Variants in COPG1 observed in about 807,000 individuals in gnomAD.
COPG1 encodes coat protein complex I subunit gamma 1.
In COPG1, 29 loss-of-function variants were observed where a neutral mutation model predicts 102.8. The ratio of observed to expected loss-of-function variants is 0.28; its 90% confidence interval spans 0.21 to 0.38. COPG1 has a LOEUF of 0.38. Among genes scored for constraint, COPG1 ranks in the 10% least tolerant of loss-of-function variants. The pLI is 1.00. For synonymous variants in COPG1, 406 were observed against 421.6 expected, an observed-to-expected ratio of 0.96 and a Z score of 0.45; for missense variants, 875 against 1,132.7, an observed-to-expected ratio of 0.77 and a Z score of 3.27.
chr3:129,276,640 G>A (rs766507441), intron 23 of COPG1, among the ~76,000 whole-genome samples: 2 of 152,130 alleles, frequency 1.3e-5, no homozygotes, highest in Non-Finnish European at 2.9e-5. Context: ...TTTTCTCGTG[G>A]TGGGGCTGTC....
rs570797375 is a variant in COPG1, at chr3:129,250,993, G to A, written c.90+259G>A. On this transcript the variant is annotated intron_variant, in intron 2 of 23. Transcript: ENST00000314797. ...GGCTGGAGTGCAGTGGCGTGATCTC[G>A]GCTCACTGCAAGCTCCGCCTTCCAG... 3.0e-3 allele frequency: 1,066 copies of A among 350,352 alleles called. 5 individuals carry two copies. The highest frequency in any genetic ancestry group is 4.7e-3 in the Non-Finnish European group (878 of 187,840). 21.7% of individuals were successfully genotyped at this position (350,352 alleles called of 1,614,324 possible).
Position 129,250,813 on chromosome 3 carries a change from G to A in COPG1, c.90+79G>A, listed in dbSNP as rs538081107. 58 of 1,264,594 alleles carry A rather than the reference G, an allele frequency of 4.6e-5. No homozygotes were observed. The East Asian group carries it at 1.4e-3, about 31-fold the overall frequency. 78.3% of individuals were successfully genotyped at this position (1,264,594 alleles called of 1,614,324 possible). ...CAACTGAAATACCAACACATTCAAA[G>A]TGTTGTTTTAAAGAGCAACACGGGA... On this transcript the variant is annotated intron_variant, in intron 2 of 23. Transcript: ENST00000314797.
chr3:129,260,609 C>T lies in COPG1; in HGVS notation c.940-10C>T, dbSNP rs748097243. The T allele has an allele frequency of 6.2e-7, 1 of 1,613,636 alleles. No individual in the cohort carries two copies. The highest frequency in any genetic ancestry group is 1.3e-5 in the African/African-American group (1 of 75,038). The stretch of plus-strand genomic sequence containing the variant: ...TTCCTGCCCTCTCTGTCACTGTCCT[C>T]CCAAAACAGGTTGCCATGAAGCATC... On this transcript the variant is annotated splice_polypyrimidine_tract_variant and intron_variant, in intron 11 of 23. Coordinates refer to ENST00000314797, the MANE Select transcript of COPG1 (RefSeq NM_016128.4).
At chr3:129,254,945 C>G (rs2107673373) in intron 6 of COPG1, 40 bp from the exon 7 acceptor site, 1 of 1,537,740 alleles carries the variant, frequency 6.5e-7, no homozygotes, top group Non-Finnish European at 9.0e-7. Context: ...CTGCCAAGGA[C>G]TGACTGGATC....
At chr3:129,273,682 C>T (rs1005290685) in intron 21 of COPG1, among the ~76,000 whole-genome samples, 4 of 152,114 alleles carry the variant, frequency 2.6e-5, no homozygotes, top group African/African-American at 9.7e-5. Context: ...ATTAAATATC[C>T]CTTTAGATAC....
At chr3:129,277,253 C>T (rs752721382) in intron 23 of COPG1, 41 bp from the exon 24 acceptor site, 3 of 1,610,336 alleles carry the variant, frequency 1.9e-6, no homozygotes, top group Non-Finnish European at 2.5e-6. Flanking sequence ...CTGTACAGTC[C>T]CTTCTGCTGT....
At position 129,272,331 on chromosome 3, in the gene COPG1, T is replaced by TAA; in HGVS notation, c.2075_2076insAA (p.Tyr692Ter). 6.2e-7 allele frequency: 1 copy of TAA among 1,614,118 alleles called. No individual in the cohort carries two copies. Among genetic ancestry groups the TAA allele is most frequent in the Non-Finnish European group, 8.5e-7 (1 of 1,179,970 alleles). ...EPTEAYEVLC[Y>*]VPARSLPYNQ... ...CACTGAGGCCTATGAGGTGCTCTGTTACGTGCCTGCCCGGAGCCTGCCCTA... is the reference window on the plus strand; with the variant it reads ...CACTGAGGCCTATGAGGTGCTCTGTTAAACGTGCCTGCCCGGAGCCTGCCCTA... Residue 692 changes from tyrosine (Y) to a stop codon, truncating the protein, a stop_gained and frameshift_variant, in exon 20 of 24, where the codon TAC becomes TAAAC. Transcript: ENST00000314797. LOFTEE classifies it high-confidence loss of function.
At position 129,260,741 on chromosome 3, in the gene COPG1, G is replaced by A; in HGVS notation, c.1062G>A (p.Glu354=). The A allele has an allele frequency of 6.2e-7, 1 of 1,613,246 alleles. No individual in the cohort carries two copies. Among genetic ancestry groups the A allele is most frequent in the Non-Finnish European group, 8.5e-7 (1 of 1,180,018 alleles). The change falls in exon 12 of 24, where the codon GAG becomes GAA. Residue 354 remains glutamate, a synonymous_variant. Coordinates refer to ENST00000314797, the MANE Select transcript of COPG1 (RefSeq NM_016128.4). ...AITTLLKTGS[E]SSIDRLMKQI... Reference sequence around the variant, plus strand: ...CCACCCTCCTTAAGACGGGCAGCGAGAGCAGCATCGACCGCCTCATGAAGC... The same window carrying A: ...CCACCCTCCTTAAGACGGGCAGCGAAAGCAGCATCGACCGCCTCATGAAGC...
At position 129,274,819 on chromosome 3, in the gene COPG1, TC is replaced by T. The variant is rs774239928; in HGVS notation, c.2257-18del. On this transcript the variant is annotated intron_variant, in intron 21 of 23. Coordinates refer to ENST00000314797, the MANE Select transcript of COPG1 (RefSeq NM_016128.4). ...TAGGTGTGTAGATGGGTGCCTGATT[TC>T]TACCTCCATCTCTCCAGCTGGAAGA... 77 of 1,607,052 alleles carry T rather than the reference TC, an allele frequency of 4.8e-5. No homozygotes were observed. Among genetic ancestry groups the T allele is most frequent in the Admixed American group, 1.3e-4 (8 of 59,554 alleles).
At chr3:129,268,645 G>T in intron 17 of COPG1, 25 bp downstream of exon 17, 1 of 1,611,370 alleles carries the variant, frequency 6.2e-7, no homozygotes, top group Middle Eastern at 1.7e-4. Context: ...CCTCCCAGAG[G>T]CCATCAAGGC....
intron 1 of COPG1, among the ~76,000 whole-genome samples, 200 bp from the exon 2 acceptor site, chr3:129,250,482 G>A (rs1939671478): frequency 6.6e-6 from 1 of 152,204 alleles, no homozygotes; most frequent in Admixed American, 6.5e-5. Context: ...GATTGTGAGT[G>A]GTTTGGGGTA....
chr3:129,277,113 C>T (rs373015442), intron 23 of COPG1, among the ~76,000 whole-genome samples, 181 bp from the exon 24 acceptor site: 5 of 151,908 alleles, frequency 3.3e-5, no homozygotes, highest in South Asian at 2.1e-4. Context: ...TGAGCCACCG[C>T]GCCTGGCTGA....
chr3:129,258,147 C>T (rs1356873118), intron 10 of COPG1, among the ~76,000 whole-genome samples: 3 of 152,184 alleles, frequency 2.0e-5, no homozygotes, highest in African/African-American at 7.2e-5. Context: ...GTGGAGGAAC[C>T]CAGGATCTGT....
intron 21 of COPG1, chr3:129,273,981 G>A (rs1940224207): frequency 2.2e-6 from 1 of 455,270 alleles, no homozygotes; most frequent in African/African-American, 2.0e-5. Flanking sequence ...CTCAGCCTGT[G>A]GATGGGGACT....
intron 23 of COPG1, among the ~76,000 whole-genome samples, chr3:129,276,769 C>T (rs954484773): frequency 4.2e-4 from 64 of 151,958 alleles, no homozygotes; most frequent in African/African-American, 1.5e-3. Flanking sequence ...ATGGTATTAT[C>T]ATCCCTGCCA....
Position 129,256,161 on chromosome 3 carries a change from T to C in COPG1, c.579+7T>C, listed in dbSNP as rs748397029. 6.2e-7 allele frequency: 1 copy of C among 1,612,410 alleles called. No homozygotes were observed. The highest frequency in any genetic ancestry group is 1.1e-5 in the South Asian group (1 of 91,002). ...TGATAACATCATGGTCCAGGTGAGATGTGAGCAAGGGAGTGATATTTAAAA... is the reference window on the plus strand; with the variant it reads ...TGATAACATCATGGTCCAGGTGAGACGTGAGCAAGGGAGTGATATTTAAAA... On this transcript the variant is annotated splice_region_variant and intron_variant, in intron 8 of 23. Coordinates refer to ENST00000314797, the MANE Select transcript of COPG1 (RefSeq NM_016128.4).
intron 14 of COPG1, among the ~76,000 whole-genome samples, chr3:129,266,075 G>A (rs1187656382): frequency 2.0e-5 from 3 of 151,938 alleles, no homozygotes; most frequent in Non-Finnish European, 4.4e-5. Context: ...GGGTTCAAGC[G>A]ATTCTCCTGC....
At position 129,256,173 on chromosome 3, in the gene COPG1, AG is replaced by A; in HGVS notation, c.579+20del. 1 of 1,609,126 alleles carries A rather than the reference AG, an allele frequency of 6.2e-7. No homozygotes were observed. The highest frequency in any genetic ancestry group is 8.5e-7 in the Non-Finnish European group (1 of 1,175,936). On this transcript the variant is annotated intron_variant, in intron 8 of 23. Transcript: ENST00000314797. Reference sequence around the variant, plus strand: ...GGTCCAGGTGAGATGTGAGCAAGGGAGTGATATTTAAAACACTCAGGCAGGT... The same window carrying A: ...GGTCCAGGTGAGATGTGAGCAAGGGATGATATTTAAAACACTCAGGCAGGT...
intron 18 of COPG1, among the ~76,000 whole-genome samples, chr3:129,269,651 G>A (rs1286998369): frequency 6.6e-6 from 1 of 151,850 alleles, no homozygotes; most frequent in Non-Finnish European, 1.5e-5. Context: ...CTCACAGTAG[G>A]CTCCCAATTA....
Sources: allele counts gnomAD v4.1 joint callset (sites outside exome capture counted in the v4.1 genomes callset), GRCh38; gene constraint gnomAD v4.1.1; transcripts MANE v1.5; gene names NCBI Gene and HGNC (gene_info 2026-07-23, HGNC 2026-07-21).